ZFHX3: variants seen among roughly 807,000 people sequenced by gnomAD.
ZFHX3 encodes the protein zinc finger homeobox 3, also known as zinc finger homeobox protein 3.
Under a neutral mutation model 279.1 loss-of-function variants are expected in ZFHX3, and 42 were observed. The observed-to-expected ratio is 0.15, with a 90% CI of 0.12 to 0.19. The LOEUF (loss-of-function observed/expected upper bound fraction) is 0.19, where lower values mean the gene tolerates loss of function less well. Ranked by LOEUF, ZFHX3 falls within the 10% of genes least tolerant of loss-of-function variation. The pLI, the probability that ZFHX3 is intolerant of heterozygous loss-of-function variation, is 1.00. For missense variants in ZFHX3, 4,981 were observed against 4,754.0 expected, an observed-to-expected ratio of 1.05 and a Z score of -1.40; for synonymous variants, 2,293 against 1,957.8, an observed-to-expected ratio of 1.17 and a Z score of -4.52.
chr16:73,036,635 G>C (rs983327420), intron 1 of ZFHX3, among the ~76,000 whole-genome samples: 1 of 151,936 alleles, frequency 6.6e-6, no homozygotes, highest in Non-Finnish European at 1.5e-5. Context: ...GAGAGGGGCC[G>C]GCAGGAGAGA....
intron 2 of ZFHX3, among the ~76,000 whole-genome samples, chr16:73,628,264 C>G (rs2052436927): frequency 6.6e-6 from 1 of 152,134 alleles, no homozygotes; most frequent in Non-Finnish European, 1.5e-5. Context: ...ATTTTCCCCT[C>G]AAATGTTTCT....
chr16:73,676,248 T>C (rs940619784), intron 2 of ZFHX3, among the ~76,000 whole-genome samples: 1 of 152,030 alleles, frequency 6.6e-6, no homozygotes, highest in Non-Finnish European at 1.5e-5. Context: ...ACATATGCAT[T>C]AAGACTAATG....
chr16:73,772,428 T>C (rs907371624), intron 1 of ZFHX3, among the ~76,000 whole-genome samples: 13 of 152,142 alleles, frequency 8.5e-5, no homozygotes, highest in African/African-American at 3.1e-4. Flanking sequence ...GCGAACAGCA[T>C]GGGAAAGGCC....
intron 1 of ZFHX3, among the ~76,000 whole-genome samples, chr16:73,845,318 G>A (rs531457110): frequency 1.9e-3 from 295 of 152,204 alleles, no homozygotes; most frequent in Middle Eastern, 3.4e-3. Flanking sequence ...CAAAAACACA[G>A]GTTCTACAAA....
intron 4 of ZFHX3, among the ~76,000 whole-genome samples, chr16:72,866,042 T>C (rs932197338): frequency 1.3e-5 from 2 of 152,074 alleles, no homozygotes; most frequent in Non-Finnish European, 2.9e-5. Context: ...AAAGATAATG[T>C]GATGCGGTCG....
At chr16:73,380,547 T>A (rs1167024875) in intron 3 of ZFHX3, among the ~76,000 whole-genome samples, 1 of 152,134 alleles carries the variant, frequency 6.6e-6, no homozygotes, top group Non-Finnish European at 1.5e-5. Flanking sequence ...ACTAGTCAAA[T>A]AAATTAGACA....
chr16:72,952,478 C>G (rs907125480), intron 2 of ZFHX3, among the ~76,000 whole-genome samples: 1 of 152,194 alleles, frequency 6.6e-6, no homozygotes, highest in African/African-American at 2.4e-5. Context: ...TAGCTGGGAT[C>G]CCCATCAGGG....
At chr16:73,884,751 C>A (rs1011670158) in intron 1 of ZFHX3, among the ~76,000 whole-genome samples, 1 of 152,096 alleles carries the variant, frequency 6.6e-6, no homozygotes, top group Non-Finnish European at 1.5e-5. Flanking sequence ...AATCTTTCTG[C>A]CTAAGTAAAA....
intron 3 of ZFHX3, among the ~76,000 whole-genome samples, chr16:73,394,957 C>A (rs1319718018): frequency 6.6e-6 from 1 of 152,208 alleles, no homozygotes; most frequent in Admixed American, 6.5e-5. Flanking sequence ...TTGAACCCAG[C>A]TGTCATCCCA....
intron 5 of ZFHX3, among the ~76,000 whole-genome samples, chr16:73,204,809 C>G (rs536566412): frequency 6.6e-6 from 1 of 152,350 alleles, no homozygotes; most frequent in African/African-American, 2.4e-5. Flanking sequence ...ACAATAACCT[C>G]AGCAGGGTAG....
chr16:72,878,472 G>C (rs1295070174), intron 4 of ZFHX3, among the ~76,000 whole-genome samples: 1 of 152,204 alleles, frequency 6.6e-6, no homozygotes, highest in Non-Finnish European at 1.5e-5. Flanking sequence ...ACTCACACAA[G>C]GAAGTCACAA....
intron 3 of ZFHX3, among the ~76,000 whole-genome samples, chr16:73,392,635 TGTAA>T (rs138047315): frequency 0.032 from 4,856 of 152,100 alleles, 197 homozygotes; most frequent in African/African-American, 0.092. Flanking sequence ...AAACTGTGTA[TGTAA>T]GTAACTTTGA....
intron 4 of ZFHX3, among the ~76,000 whole-genome samples, chr16:72,855,215 A>T (rs1486865253): frequency 6.6e-6 from 1 of 152,212 alleles, no homozygotes; most frequent in Non-Finnish European, 1.5e-5. Flanking sequence ...AAATTGCACC[A>T]ACCTCATCAA....
intron 2 of ZFHX3, among the ~76,000 whole-genome samples, chr16:73,547,788 C>T (rs2143764748): frequency 6.6e-6 from 1 of 152,318 alleles, no homozygotes; most frequent in South Asian, 2.1e-4. Flanking sequence ...GCGCCTTCCT[C>T]AAACATTCAG....
intron 3 of ZFHX3, among the ~76,000 whole-genome samples, chr16:73,318,658 C>T (rs1057197812): frequency 5.9e-5 from 9 of 152,146 alleles, no homozygotes; most frequent in African/African-American, 1.2e-4. Flanking sequence ...AAAATGTCAG[C>T]GTCTCATTTA....
At chr16:73,054,365 C>A (rs1250557113) in intron 1 of ZFHX3, among the ~76,000 whole-genome samples, 4 of 151,368 alleles carry the variant, frequency 2.6e-5, no homozygotes, top group Admixed American at 6.6e-5. Context: ...TCCCCTCCCC[C>A]ACACCCGCCC....
At chr16:73,857,666 A>G (rs1961770360) in intron 1 of ZFHX3, among the ~76,000 whole-genome samples, 1 of 152,194 alleles carries the variant, frequency 6.6e-6, no homozygotes, top group South Asian at 2.1e-4. Flanking sequence ...AAGTCATAAC[A>G]TGCTGCACTT....
At chr16:73,104,122 C>CA (rs1966264929) in intron 7 of ZFHX3, among the ~76,000 whole-genome samples, 1 of 151,804 alleles carries the variant, frequency 6.6e-6, no homozygotes, top group Non-Finnish European at 1.5e-5. Flanking sequence ...GGGAGGTCTC[C>CA]AGATGGACAG....
intron 1 of ZFHX3, among the ~76,000 whole-genome samples, chr16:73,840,220 G>C (rs1005337069): frequency 6.6e-6 from 1 of 152,130 alleles, no homozygotes; most frequent in Non-Finnish European, 1.5e-5. Flanking sequence ...AGGTAAGATG[G>C]GGAGAAAGGA....
Sources: gnomAD v4.1 joint callset for allele counts (sites outside exome capture counted in the v4.1 genomes callset) on GRCh38, gnomAD v4.1.1 for gene constraint, MANE v1.5 for transcripts, NCBI Gene and HGNC (gene_info 2026-07-23, HGNC 2026-07-21) for gene names.